Variants in FGF1 observed in about 807,000 individuals in gnomAD.
FGF1 encodes the protein beta-endothelial cell growth factor.
A neutral mutation model predicts 13.4 loss-of-function variants in FGF1; 9 were observed. That is an observed-to-expected ratio of 0.67 (90% confidence interval 0.40 to 1.17). FGF1 has a LOEUF of 1.17. Ranked by LOEUF, FGF1 falls within the 50% of genes most tolerant of loss-of-function variation. The pLI, the probability that FGF1 is intolerant of heterozygous loss-of-function variation, is 0.01. For synonymous variants in FGF1, 93 were observed against 79.0 expected (o/e 1.18, Z -0.94); for missense variants, 156 against 192.7 (o/e 0.81, Z 1.13).
At chr5:142,638,939 T>C (rs544185459) in intron 1 of FGF1, among the ~76,000 whole-genome samples, 2 of 152,078 alleles carry the variant, frequency 1.3e-5, no homozygotes, top group Admixed American at 6.5e-5. Flanking sequence ...TTGCTAATCA[T>C]TAGGGAAACA....
chr5:142,654,729 T>C (rs1767845152), intron 1 of FGF1, among the ~76,000 whole-genome samples: 1 of 152,248 alleles, frequency 6.6e-6, no homozygotes, highest in African/African-American at 2.4e-5. Context: ...TGTTGTGGCC[T>C]CGTTGGAAGG....
At chr5:142,648,491 A>C (rs1279782171) in intron 1 of FGF1, among the ~76,000 whole-genome samples, 3 of 148,372 alleles carry the variant, frequency 2.0e-5, no homozygotes, top group African/African-American at 5.0e-5. Flanking sequence ...GGATCATCAC[A>C]CACTGGGGCC....
At chr5:142,684,308 G>T (rs1774287224) in intron 1 of FGF1, among the ~76,000 whole-genome samples, 1 of 152,218 alleles carries the variant, frequency 6.6e-6, no homozygotes, top group African/African-American at 2.4e-5. Flanking sequence ...CACCTGTAAA[G>T]TCAAACCACT....
chr5:142,595,686 C>T (rs1466664670), intron 3 of FGF1, among the ~76,000 whole-genome samples: 1 of 152,210 alleles, frequency 6.6e-6, no homozygotes, highest in African/African-American at 2.4e-5. Context: ...CACTAAAGAG[C>T]TGTCAATATG....
At chr5:142,683,798 G>A (rs1165483922) in intron 1 of FGF1, among the ~76,000 whole-genome samples, 2 of 113,160 alleles carry the variant, frequency 1.8e-5, no homozygotes, top group African/African-American at 6.9e-5. Flanking sequence ...TCCAGCCTGA[G>A]CAACAAGAGT....
intron 1 of FGF1, among the ~76,000 whole-genome samples, chr5:142,666,396 G>A (rs1222545434): frequency 6.6e-6 from 1 of 151,980 alleles, no homozygotes; most frequent in South Asian, 2.1e-4. Flanking sequence ...GATAGGATGG[G>A]GTGTAAGATT....
At chr5:142,667,585 C>CAA (rs747487970) in intron 1 of FGF1, among the ~76,000 whole-genome samples, 16 of 61,996 alleles carry the variant, frequency 2.6e-4, no homozygotes, top group African/African-American at 4.0e-4. Context: ...GACTCCGTCT[C>CAA]AAAAAAAAAA....
intron 1 of FGF1, among the ~76,000 whole-genome samples, chr5:142,637,562 G>T (rs1171327238): frequency 2.0e-5 from 3 of 151,966 alleles, no homozygotes; most frequent in Non-Finnish European, 4.4e-5. Context: ...TTCGTGATCT[G>T]CCTGCCTCGG....
At chr5:142,682,868 C>T (rs1385903845) in intron 1 of FGF1, among the ~76,000 whole-genome samples, 1 of 152,082 alleles carries the variant, frequency 6.6e-6, no homozygotes, top group Admixed American at 6.6e-5. Flanking sequence ...GGCCCAGATG[C>T]TTGTTCTTGT....
chr5:142,632,589 T>A (rs1763539094), intron 1 of FGF1, among the ~76,000 whole-genome samples: 1 of 152,238 alleles, frequency 6.6e-6, no homozygotes, highest in Non-Finnish European at 1.5e-5. Flanking sequence ...TAAGAGATTG[T>A]CCATGATCAT....
chr5:142,642,661 C>T (rs1456385221), intron 1 of FGF1, among the ~76,000 whole-genome samples: 1 of 152,214 alleles, frequency 6.6e-6, no homozygotes, highest in African/African-American at 2.4e-5. Context: ...TGGCTTGAGC[C>T]ACGTGGGCTC....
At chr5:142,616,118 AG>A (rs1393675097) in intron 1 of FGF1, among the ~76,000 whole-genome samples, 2 of 152,244 alleles carry the variant, frequency 1.3e-5, no homozygotes, top group Non-Finnish European at 2.9e-5. Flanking sequence ...TGCCTGTAGC[AG>A]CTGTGCGGAG....
chr5:142,619,403 C>G (rs1270669127), intron 1 of FGF1, among the ~76,000 whole-genome samples: 2 of 152,182 alleles, frequency 1.3e-5, no homozygotes, highest in Non-Finnish European at 2.9e-5. Context: ...CAGGCCTTGG[C>G]TTTGGTTCCA....
At chr5:142,621,799 T>C (rs576414318) in intron 1 of FGF1, among the ~76,000 whole-genome samples, 1 of 152,290 alleles carries the variant, frequency 6.6e-6, no homozygotes, top group East Asian at 1.9e-4. Context: ...CATTTTCTGA[T>C]TCCCCCCACC....
intron 1 of FGF1, among the ~76,000 whole-genome samples, chr5:142,626,129 T>C (rs114948675): frequency 0.011 from 1,661 of 152,342 alleles, 14 homozygotes; most frequent in Non-Finnish European, 0.017. Flanking sequence ...CATTAATTAA[T>C]CCTCAAATTC....
rs1365222745 is a variant in FGF1, at chr5:142,594,450, C to T, written c.*840G>A. 6.6e-6 allele frequency: 1 copy of T among 152,398 alleles called. No individual in the cohort carries two copies. Among genetic ancestry groups the T allele is most frequent in the African/African-American group, 2.4e-5 (1 of 41,450 alleles). 9.4% of individuals were successfully genotyped at this position (152,398 alleles called of 1,614,324 possible). A position where few individuals can be genotyped will look rare whatever the true frequency, so the allele number is the denominator to read the frequency against. ...TTCCTTCTCCTTCTGAAATCATCCT[C>T]TTTTTATGGTATCCCCTCAGCCAGT... On this transcript the variant is annotated 3_prime_UTR_variant, in exon 4 of 4. Coordinates refer to ENST00000337706, the MANE Select transcript of FGF1 (RefSeq NM_000800.5).
chr5:142,680,209 A>C (rs1314080320), intron 1 of FGF1: 1 of 152,172 alleles, frequency 6.6e-6, no homozygotes, highest in Non-Finnish European at 1.5e-5. Flanking sequence ...TCATCTTATG[A>C]ATTTGGGGGT....
chr5:142,629,336 A>G (rs1424663143), intron 1 of FGF1, among the ~76,000 whole-genome samples: 1 of 152,112 alleles, frequency 6.6e-6, no homozygotes, highest in Admixed American at 6.6e-5. Flanking sequence ...AAAAATATAT[A>G]TATTTTTAGT....
intron 1 of FGF1, among the ~76,000 whole-genome samples, chr5:142,669,283 C>T (rs11167784): frequency 0.19 from 28,159 of 152,106 alleles, 2,823 homozygotes; most frequent in African/African-American, 0.22. Flanking sequence ...GCAGAGGCCA[C>T]GGGGCACAGT....
Sources: allele counts gnomAD v4.1 joint callset (sites outside exome capture counted in the v4.1 genomes callset), GRCh38; gene constraint gnomAD v4.1.1; transcripts MANE v1.5; gene names NCBI Gene and HGNC (gene_info 2026-07-23, HGNC 2026-07-21).